The following PPP1R14C variants were observed in gnomAD, a reference collection of about 807,000 sequenced individuals.
PPP1R14C encodes protein phosphatase 1 regulatory subunit 14C.
A neutral mutation model predicts 20.4 loss-of-function variants in PPP1R14C; 16 were observed. The observed-to-expected ratio is 0.78, with a 90% CI of 0.53 to 1.19. The LOEUF (loss-of-function observed/expected upper bound fraction) is 1.19. Ranked by LOEUF, PPP1R14C falls within the 50% of genes most tolerant of loss-of-function variation. PPP1R14C has a pLI of 0.00. For synonymous variants in PPP1R14C, 91 were observed against 91.0 expected, an observed-to-expected ratio of 1.00 and a Z score of 0.00; for missense variants, 211 against 220.1, an observed-to-expected ratio of 0.96 and a Z score of 0.26.
intron 1 of PPP1R14C, among the ~76,000 whole-genome samples, chr6:150,213,127 A>G (rs1034848505): frequency 2.0e-5 from 3 of 152,214 alleles, no homozygotes; most frequent in Non-Finnish European, 4.4e-5. Flanking sequence ...AAACGTTCAC[A>G]TTGATAAATA....
intron 3 of PPP1R14C, among the ~76,000 whole-genome samples, chr6:150,222,053 C>G (rs1260080121): frequency 6.7e-6 from 1 of 148,616 alleles, no homozygotes. Context: ...CCTGCCTGGG[C>G]CTCCCAAAGT....
At chr6:150,214,977 T>C in intron 2 of PPP1R14C, 150 bp downstream of exon 2, 1 of 597,268 alleles carries the variant, frequency 1.7e-6, no homozygotes, top group Non-Finnish European at 2.9e-6. Context: ...AATGGGCTGC[T>C]AAGTGTTCAC....
chr6:150,143,752 G>T lies in PPP1R14C; in HGVS notation c.306+254G>T, dbSNP rs911784886. 6.6e-6 allele frequency among the ~76,000 whole-genome samples: 1 copy of T among 152,064 alleles called. No homozygotes were observed. Among genetic ancestry groups the T allele is most frequent in the Non-Finnish European group, 1.5e-5 (1 of 68,002 alleles). On this transcript the variant is annotated intron_variant, in intron 1 of 3. Transcript: ENST00000361131. The surrounding 1 kb of genome is among the most constrained non-coding windows in gnomAD (Gnocchi z 5.6). ...GGCCCCCTTGGTGGCCGTGGGGAGG[G>T]TTGGGTCCCGCGGAGCACAGTGCTT... is the stretch of plus-strand genomic sequence containing the variant.
rs1016037040 is a variant in PPP1R14C at position 150,206,131 on chromosome 6, C to G, written c.307-8613C>G. On this transcript the variant is annotated intron_variant, in intron 1 of 3. Coordinates refer to ENST00000361131, the MANE Select transcript of PPP1R14C (RefSeq NM_030949.3). ...GCTTCTTAGACACAGCCTGGCATTACGTGTTTTCCCTTGATGCTGTGTCTT... is the reference window on the plus strand; with the variant it reads ...GCTTCTTAGACACAGCCTGGCATTAGGTGTTTTCCCTTGATGCTGTGTCTT... Among the ~76,000 whole-genome samples, 5 of 152,266 alleles carry G rather than the reference C, an allele frequency of 3.3e-5. No individual in the cohort carries two copies. In the East Asian group the frequency reaches 9.7e-4, roughly 29 times the overall value.
rs1344315153 is a variant in PPP1R14C, at chr6:150,143,873, G to A, written c.306+375G>A. Among the ~76,000 whole-genome samples the A allele has an allele frequency of 1.3e-5, 2 of 152,250 alleles. No homozygotes were observed. The highest frequency in any genetic ancestry group is 2.4e-5 in the African/African-American group (1 of 41,470). ...CAGCTGCGCCTCAGCAGCGGTTGGG[G>A]ATACAGCAGCCAAAGAGAGCAGCGC... On this transcript the variant is annotated intron_variant, in intron 1 of 3. Coordinates refer to ENST00000361131, the MANE Select transcript of PPP1R14C (RefSeq NM_030949.3). The surrounding 1 kb of genome is among the most constrained non-coding windows in gnomAD (Gnocchi z 5.6).
intron 3 of PPP1R14C, among the ~76,000 whole-genome samples, chr6:150,238,699 C>T (rs1778395798): frequency 6.6e-6 from 1 of 152,270 alleles, no homozygotes; most frequent in South Asian, 2.1e-4. Flanking sequence ...TTCTGCTCTG[C>T]ATCTCAGCAC....
chr6:150,168,456 C>G (rs1444252355), intron 1 of PPP1R14C, among the ~76,000 whole-genome samples: 1 of 152,104 alleles, frequency 6.6e-6, no homozygotes, highest in African/African-American at 2.4e-5. Flanking sequence ...TGGCGTGAAC[C>G]CGGGAGGCGG....
chr6:150,245,535 G>T (rs1417496614), intron 3 of PPP1R14C, among the ~76,000 whole-genome samples: 2 of 152,308 alleles, frequency 1.3e-5, no homozygotes, highest in South Asian at 2.1e-4. Flanking sequence ...CTGCACATGT[G>T]CTGTGACCTA....
intron 1 of PPP1R14C, among the ~76,000 whole-genome samples, chr6:150,196,570 C>A (rs1043194814): frequency 6.6e-6 from 1 of 152,106 alleles, no homozygotes; most frequent in African/African-American, 2.4e-5. Context: ...AATCATGTAC[C>A]ATTTAACACC....
At chr6:150,170,282 C>T (rs1375182269) in intron 1 of PPP1R14C, among the ~76,000 whole-genome samples, 2 of 151,456 alleles carry the variant, frequency 1.3e-5, no homozygotes, top group Non-Finnish European at 2.9e-5. Context: ...CTGAATTCAA[C>T]ACATACTCAT....
At chr6:150,178,732 A>G (rs1777589659) in intron 1 of PPP1R14C, among the ~76,000 whole-genome samples, 1 of 152,204 alleles carries the variant, frequency 6.6e-6, no homozygotes, top group Non-Finnish European at 1.5e-5. Flanking sequence ...ACTGTTGTTT[A>G]TTTCATTACT....
chr6:150,226,419 C>A (rs1251206532), intron 3 of PPP1R14C, among the ~76,000 whole-genome samples: 14 of 152,142 alleles, frequency 9.2e-5, no homozygotes, highest in Admixed American at 9.2e-4. Context: ...TGGTAAAAAT[C>A]AGAGATGGGG....
At chr6:150,189,950 TC>T (rs1199311280) in intron 1 of PPP1R14C, among the ~76,000 whole-genome samples, 1 of 152,090 alleles carries the variant, frequency 6.6e-6, no homozygotes, top group African/African-American at 2.4e-5. Context: ...CCTCCAGGCA[TC>T]TACAGGAGGG....
chr6:150,168,993 C>T (rs1233643758), intron 1 of PPP1R14C, among the ~76,000 whole-genome samples: 2 of 152,214 alleles, frequency 1.3e-5, no homozygotes, highest in Non-Finnish European at 2.9e-5. Flanking sequence ...TGTCCTGCCT[C>T]AGCCTCCCAA....
chr6:150,157,688 G>A (rs1041730313), intron 1 of PPP1R14C, among the ~76,000 whole-genome samples: 1 of 152,150 alleles, frequency 6.6e-6, no homozygotes, highest in African/African-American at 2.4e-5. Context: ...GAAGGTCAAA[G>A]GGGAAGTGGA....
chr6:150,241,377 T>C (rs1416194445), intron 3 of PPP1R14C, among the ~76,000 whole-genome samples: 1 of 152,214 alleles, frequency 6.6e-6, no homozygotes, highest in African/African-American at 2.4e-5. Flanking sequence ...ATTAATGTAA[T>C]AAGTAAATAT....
intron 1 of PPP1R14C, among the ~76,000 whole-genome samples, chr6:150,204,729 G>A (rs1266234256): frequency 6.6e-6 from 1 of 152,180 alleles, no homozygotes; most frequent in Non-Finnish European, 1.5e-5. Flanking sequence ...AGGCAGAGAT[G>A]AAACTGAAAC....
chr6:150,211,248 C>T (rs990900823), intron 1 of PPP1R14C, among the ~76,000 whole-genome samples: 4 of 152,234 alleles, frequency 2.6e-5, no homozygotes, highest in Non-Finnish European at 4.4e-5. Flanking sequence ...CTGTGGCTGA[C>T]ACACAGTGCC....
chr6:150,201,695 G>A lies in PPP1R14C; in HGVS notation c.307-13049G>A, dbSNP rs1777879623. On this transcript the variant is annotated intron_variant, in intron 1 of 3. Coordinates refer to ENST00000361131, the MANE Select transcript of PPP1R14C (RefSeq NM_030949.3). This position sits in a 1 kb window ranked among gnomAD's most constrained non-coding sequence, Gnocchi z 4.2. ...CTGGCTACAGAGTGGAAACTGGGAT[G>A]GCGGAGGCATGAGGGTGAGTTTATG... is the stretch of plus-strand genomic sequence containing the variant. Among the ~76,000 whole-genome samples, 1 of 152,202 alleles carries A rather than the reference G, an allele frequency of 6.6e-6. No individual in the cohort carries two copies. Among genetic ancestry groups the A allele is most frequent in the African/African-American group, 2.4e-5 (1 of 41,448 alleles).
Sources: gnomAD v4.1 joint callset for allele counts (sites outside exome capture counted in the v4.1 genomes callset) on GRCh38, gnomAD v4.1.1 for gene constraint, Gnocchi (gnomAD v3.1) non-coding constraint, MANE v1.5 for transcripts, NCBI Gene and HGNC (gene_info 2026-07-23, HGNC 2026-07-21) for gene names.